The following SEC22B variants were observed in gnomAD, a reference collection of about 807,000 sequenced individuals.
SEC22B encodes the protein SEC22 homolog B, vesicle trafficking protein.
In SEC22B, 10 loss-of-function variants were observed where a neutral mutation model predicts 31.4. The ratio of observed to expected loss-of-function variants is 0.32; its 90% CI spans 0.20 to 0.54. The LOEUF is 0.54. Among genes scored for constraint, SEC22B ranks in the 20% least tolerant of loss-of-function variants. SEC22B has a pLI of 0.94. For synonymous variants in SEC22B, 60 were observed against 95.9 expected (o/e 0.63, Z 2.19); for missense variants, 130 against 263.4 (o/e 0.49, Z 3.50).
At chr1:120,168,790 G>A in intron 2 of SEC22B, 50 bp downstream of exon 2, 1 of 667,208 alleles carries the variant, frequency 1.5e-6, no homozygotes, top group Non-Finnish European at 2.1e-6. Context: ...CAGGCATTCT[G>A]TTACTGTATT....
intron 4 of SEC22B, chr1:120,158,690 G>A: frequency 3.2e-5 from 1 of 31,548 alleles, no homozygotes; most frequent in African/African-American, 1.5e-4. Flanking sequence ...CATGATCCCT[G>A]CCTTTAAGGA....
chr1:120,167,695 T>C (rs1657833677), intron 2 of SEC22B, among the ~76,000 whole-genome samples: 1 of 152,016 alleles, frequency 6.6e-6, no homozygotes, highest in East Asian at 1.9e-4. Flanking sequence ...GGACATTAAA[T>C]GCAGGACTCA....
At chr1:120,158,131 G>T (rs1657657989) in intron 4 of SEC22B, 1 of 130,268 alleles carries the variant, frequency 7.7e-6, no homozygotes, top group Admixed American at 7.1e-5. Context: ...AAACTATTTT[G>T]CAATCCGGTT....
chr1:120,169,410 T>C (rs1657861277), intron 1 of SEC22B, among the ~76,000 whole-genome samples: 1 of 152,202 alleles, frequency 6.6e-6, no homozygotes, highest in East Asian at 1.9e-4. Context: ...AAACTAAATG[T>C]GTGTACTAGT....
rs1553228991 is a variant in SEC22B, at chr1:120,153,434, A to G, written c.*3604T>C. On this transcript the variant is annotated 3_prime_UTR_variant, in exon 5 of 5. Coordinates refer to ENST00000578049, the MANE Select transcript of SEC22B (RefSeq NM_004892.6). Reference sequence around the variant, plus strand: ...TATTATACATGTTTTATTAAACCCTATATGTGCAGAAATGATTGTCCATTT... The same window carrying G: ...TATTATACATGTTTTATTAAACCCTGTATGTGCAGAAATGATTGTCCATTT... 4 of 150,914 alleles carry G rather than the reference A, an allele frequency of 2.7e-5. No homozygotes were observed. The highest frequency in any genetic ancestry group is 2.1e-4 in the South Asian group (1 of 4,778). The allele number at this position is 150,914 out of a possible 1,614,324, so 9.3% of individuals were successfully genotyped here.
intron 1 of SEC22B, 78 bp downstream of exon 1, chr1:120,176,229 C>G: frequency 2.1e-6 from 3 of 1,407,486 alleles, no homozygotes; most frequent in Non-Finnish European, 2.9e-6. Flanking sequence ...GTCTCCCGGT[C>G]CTAGGAAGGA....
At chr1:120,176,208 A>T in intron 1 of SEC22B, 99 bp downstream of exon 1, 2 of 1,104,962 alleles carry the variant, frequency 1.8e-6, no homozygotes, top group Middle Eastern at 4.7e-4. Context: ...AGTGCCCGGG[A>T]AGTCACAAAG....
Position 120,176,375 on chromosome 1 carries a change from ACAC to A in SEC22B, c.4_6del (p.Val2del), listed in dbSNP as rs1657965071. 1.2e-5 allele frequency: 19 copies of A among 1,613,696 alleles called. No homozygotes were observed. The South Asian group carries it at 2.1e-4, about 18-fold the overall frequency. ...GCCACTCGGGCGATCATTGTTAGCA[ACAC>A]CATCTTCACAAACTACAGGGATCCA... On this transcript the variant is annotated inframe_deletion, in exon 1 of 5. Coordinates refer to ENST00000578049, the MANE Select transcript of SEC22B (RefSeq NM_004892.6).
chr1:120,163,554 A>G (rs1407070025), intron 2 of SEC22B, among the ~76,000 whole-genome samples, 184 bp from the exon 3 acceptor site: 2 of 125,194 alleles, frequency 1.6e-5, no homozygotes, highest in Non-Finnish European at 3.1e-5. Flanking sequence ...ACATCTTCCC[A>G]TTATTAGATG....
chr1:120,168,619 T>C (rs1657848692), intron 2 of SEC22B, among the ~76,000 whole-genome samples: 1 of 150,826 alleles, frequency 6.6e-6, no homozygotes, highest in Non-Finnish European at 1.5e-5. Flanking sequence ...TATTGCATGA[T>C]GGGCACAGCA....
chr1:120,170,509 A>G (rs1248157826), intron 1 of SEC22B, among the ~76,000 whole-genome samples: 5 of 151,106 alleles, frequency 3.3e-5, no homozygotes, highest in Non-Finnish European at 5.9e-5. Flanking sequence ...GGAAATTTCA[A>G]TAAGAATAAG....
At chr1:120,176,258 A>T in intron 1 of SEC22B, 49 bp downstream of exon 1, 1 of 1,570,248 alleles carries the variant, frequency 6.4e-7, no homozygotes, top group Non-Finnish European at 8.6e-7. Flanking sequence ...CTGAGGGCAA[A>T]GCGCGCTGAC....
chr1:120,167,315 T>C (rs1451951962), intron 2 of SEC22B, among the ~76,000 whole-genome samples: 4 of 151,978 alleles, frequency 2.6e-5, no homozygotes, highest in African/African-American at 7.2e-5. Flanking sequence ...CATTCTATCA[T>C]ATATTTTAAT....
At chr1:120,176,132 A>G (rs1657957184) in intron 1 of SEC22B, among the ~76,000 whole-genome samples, 175 bp downstream of exon 1, 1 of 152,222 alleles carries the variant, frequency 6.6e-6, no homozygotes, top group Non-Finnish European at 1.5e-5. Context: ...CCTTCAGGAA[A>G]GATTTCCTCT....
chr1:120,174,320 T>A (rs1168069769), intron 1 of SEC22B, among the ~76,000 whole-genome samples: 1 of 152,312 alleles, frequency 6.6e-6, no homozygotes, highest in African/African-American at 2.4e-5. Context: ...CTTTTATAAA[T>A]GTTCTGTATA....
At chr1:120,165,086 T>C (rs1443416345) in intron 2 of SEC22B, among the ~76,000 whole-genome samples, 1 of 152,202 alleles carries the variant, frequency 6.6e-6, no homozygotes, top group Admixed American at 6.5e-5. Context: ...TTGTCCATTT[T>C]TTAAATGGGG....
intron 2 of SEC22B, among the ~76,000 whole-genome samples, chr1:120,166,487 G>A (rs1262003153): frequency 0.02 from 2,941 of 146,826 alleles, 55 homozygotes; most frequent in African/African-American, 0.074. Flanking sequence ...GCAGCAACAT[G>A]GATAAATCTG....
intron 2 of SEC22B, among the ~76,000 whole-genome samples, chr1:120,165,340 G>T (rs1432807624): frequency 6.6e-6 from 1 of 152,090 alleles, no homozygotes; most frequent in Non-Finnish European, 1.5e-5. Flanking sequence ...TAATCAACTG[G>T]AAACTTATCA....
chr1:120,163,945 C>CTTTTCTTTT (rs1553229598), intron 2 of SEC22B, among the ~76,000 whole-genome samples: 1 of 68,934 alleles, frequency 1.5e-5, no homozygotes, highest in African/African-American at 6.5e-5. Context: ...ATTAGATTCT[C>CTTTTCTTTT]TTTTTTTTTT....
Sources: gnomAD v4.1 joint callset for allele counts (sites outside exome capture counted in the v4.1 genomes callset) on GRCh38, gnomAD v4.1.1 for gene constraint, MANE v1.5 for transcripts, NCBI Gene and HGNC (gene_info 2026-07-23, HGNC 2026-07-21) for gene names.